IL1RAPL1: variants seen among roughly 807,000 people sequenced by gnomAD.
The protein encoded by IL1RAPL1 is interleukin 1 receptor accessory protein like 1, also known as interleukin-1 receptor accessory protein-like 1.
Under a neutral mutation model 48.4 loss-of-function variants are expected in IL1RAPL1, and 3 were observed. That is an observed-to-expected ratio of 0.06 (90% CI 0.03 to 0.16). The LOEUF is 0.16. IL1RAPL1 is among the 10% of genes least tolerant of loss of function. The pLI is 1.00. For missense variants in IL1RAPL1, 349 were observed against 530.6 expected, an observed-to-expected ratio of 0.66 and a Z score of 3.36; for synonymous variants, 185 against 187.7, an observed-to-expected ratio of 0.99 and a Z score of 0.12.
chrX:29,242,667 A>T (rs1044119628), intron 2 of IL1RAPL1, among the ~76,000 whole-genome samples: 8 of 112,491 alleles, frequency 7.1e-5, no homozygotes, highest in Non-Finnish European at 1.3e-4. Flanking sequence ...GGTATAATTC[A>T]AAGTATAACG....
At chrX:29,911,671 T>C (rs1302936221) in intron 6 of IL1RAPL1, among the ~76,000 whole-genome samples, 1 of 112,076 alleles carries the variant, frequency 8.9e-6, no homozygotes, top group Non-Finnish European at 1.9e-5. Context: ...GTAAATGAGT[T>C]CTTTGCGGAA....
At chrX:29,151,307 C>G (rs981970326) in intron 2 of IL1RAPL1, among the ~76,000 whole-genome samples, 2 of 111,993 alleles carry the variant, frequency 1.8e-5, no homozygotes, top group Non-Finnish European at 3.8e-5. Flanking sequence ...AATAAGTTGC[C>G]AATTCCTATC....
At chrX:29,898,027 C>T (rs140455466) in intron 6 of IL1RAPL1, among the ~76,000 whole-genome samples, 225 of 111,416 alleles carry the variant, frequency 2.0e-3, no homozygotes, top group African/African-American at 7.1e-3. Flanking sequence ...GAAATAAAGA[C>T]TCATATAAAA....
intron 2 of IL1RAPL1, among the ~76,000 whole-genome samples, chrX:29,001,052 C>T (rs1272633731): frequency 1.8e-5 from 2 of 110,466 alleles, no homozygotes; most frequent in African/African-American, 6.6e-5. Context: ...CCTTTCTTTC[C>T]ACTTTTCTCA....
intron 5 of IL1RAPL1, among the ~76,000 whole-genome samples, chrX:29,647,569 A>G (rs1226138846): frequency 9.0e-6 from 1 of 111,432 alleles, no homozygotes; most frequent in Non-Finnish European, 1.9e-5. Flanking sequence ...GGTCGAAGTT[A>G]AATTGTTATC....
chrX:29,030,715 G>A (rs1926598801), intron 2 of IL1RAPL1, among the ~76,000 whole-genome samples: 2 of 111,121 alleles, frequency 1.8e-5, no homozygotes, highest in Non-Finnish European at 3.8e-5. Flanking sequence ...GGGCAGATTC[G>A]GTGTAATGAT....
At chrX:28,892,519 T>G (rs1922798956) in intron 2 of IL1RAPL1, among the ~76,000 whole-genome samples, 1 of 111,546 alleles carries the variant, frequency 9.0e-6, no homozygotes, top group Non-Finnish European at 1.9e-5. Flanking sequence ...CATCCGGATG[T>G]ATATGTGTAG....
intron 2 of IL1RAPL1, among the ~76,000 whole-genome samples, chrX:29,167,096 G>A (rs1004033014): frequency 3.6e-5 from 4 of 111,707 alleles, no homozygotes; most frequent in African/African-American, 1.3e-4. Flanking sequence ...AAATAAGGCC[G>A]TATGTTCTTT....
intron 6 of IL1RAPL1, among the ~76,000 whole-genome samples, chrX:29,906,460 AATATATATATATATATAT>A (rs1164023016): frequency 0.041 from 1,208 of 29,771 alleles, 61 homozygotes; most frequent in Non-Finnish European, 0.055. Flanking sequence ...TAACTTTGTA[AATATATATATATATATAT>A]ATATATATAT....
chrX:29,226,104 C>T (rs138468203), intron 2 of IL1RAPL1, among the ~76,000 whole-genome samples: 7 of 111,666 alleles, frequency 6.3e-5, no homozygotes, highest in East Asian at 5.7e-4. Context: ...TTCATGTTAA[C>T]GCATTTTCTA....
At chrX:28,964,332 A>G (rs1420822071) in intron 2 of IL1RAPL1, among the ~76,000 whole-genome samples, 1 of 111,777 alleles carries the variant, frequency 8.9e-6, no homozygotes, top group African/African-American at 3.2e-5. Flanking sequence ...TACATAAATC[A>G]TATCAATGTG....
chrX:28,976,012 C>T (rs183717202), intron 2 of IL1RAPL1, among the ~76,000 whole-genome samples: 1 of 110,849 alleles, frequency 9.0e-6, no homozygotes, highest in East Asian at 2.8e-4. Flanking sequence ...GGCTGGAGCA[C>T]AGTAAAGAAT....
At chrX:29,831,894 T>G (rs139272000) in intron 6 of IL1RAPL1, among the ~76,000 whole-genome samples, 3,340 of 111,825 alleles carry the variant, frequency 0.03, 131 homozygotes, top group African/African-American at 0.1. Flanking sequence ...ATTATATAAG[T>G]TTATTAATAA....
chrX:29,226,850 T>A (rs929166227), intron 2 of IL1RAPL1, among the ~76,000 whole-genome samples: 3 of 111,831 alleles, frequency 2.7e-5, no homozygotes, highest in Non-Finnish European at 3.8e-5. Context: ...TCTCAAATAA[T>A]GAGCTAAAAT....
chrX:29,083,808 G>C (rs1362117621), intron 2 of IL1RAPL1, among the ~76,000 whole-genome samples: 1 of 111,887 alleles, frequency 8.9e-6, no homozygotes, highest in African/African-American at 3.3e-5. Context: ...TTCAGATAAA[G>C]GTTATATACA....
At chrX:29,408,108 G>A (rs771934505) in intron 5 of IL1RAPL1, among the ~76,000 whole-genome samples, 2 of 111,524 alleles carry the variant, frequency 1.8e-5, no homozygotes, top group African/African-American at 6.5e-5. Flanking sequence ...GTCATATCCA[G>A]AGGTGGTCCA....
At chrX:29,473,693 C>T (rs191470252) in intron 5 of IL1RAPL1, among the ~76,000 whole-genome samples, 252 of 105,427 alleles carry the variant, frequency 2.4e-3, no homozygotes, top group Non-Finnish European at 3.1e-3. Flanking sequence ...GAGGAATTCT[C>T]TCATCTTCTA....
intron 3 of IL1RAPL1, among the ~76,000 whole-genome samples, chrX:29,295,431 A>C (rs1932435706): frequency 8.9e-6 from 1 of 111,932 alleles, no homozygotes; most frequent in African/African-American, 3.2e-5. Context: ...TCTGCTTATT[A>C]GTCTTTCCCT....
At chrX:29,485,938 G>A (rs1935090638) in intron 5 of IL1RAPL1, among the ~76,000 whole-genome samples, 1 of 111,099 alleles carries the variant, frequency 9.0e-6, no homozygotes, top group Non-Finnish European at 1.9e-5. Context: ...GAATCTGTAG[G>A]CACATTAAAG....
Sources: gnomAD v4.1 joint callset for allele counts (sites outside exome capture counted in the v4.1 genomes callset) on GRCh38, gnomAD v4.1.1 for gene constraint, MANE v1.5 for transcripts, NCBI Gene and HGNC (gene_info 2026-07-23, HGNC 2026-07-21) for gene names.